Variants in SLC25A23 observed in about 807,000 individuals in gnomAD.
SLC25A23 encodes mitochondrial adenyl nucleotide antiporter SLC25A23.
SLC25A23 carries 32 observed loss-of-function variants against 53.9 expected under a neutral mutation model. That is an observed-to-expected ratio of 0.59 (90% CI 0.45 to 0.80). SLC25A23 has a LOEUF of 0.80. Among genes scored for constraint, SLC25A23 ranks in the 30% least tolerant of loss-of-function variants. SLC25A23 has a pLI of 0.00. For missense variants in SLC25A23, 575 were observed against 651.4 expected (o/e 0.88, Z 1.28); for synonymous variants, 275 against 264.5 (o/e 1.04, Z -0.38).
chr19:6,449,411 C>T (rs142241572), intron 8 of SLC25A23, among the ~76,000 whole-genome samples: 3,447 of 148,918 alleles, frequency 0.023, 62 homozygotes, highest in Middle Eastern at 0.041. Context: ...CACCACCACA[C>T]CTGGCTATTT....
intron 7 of SLC25A23, 48 bp from the exon 8 acceptor site, chr19:6,452,527 T>C (rs773132870): frequency 2.0e-5 from 31 of 1,566,732 alleles, no homozygotes; most frequent in Non-Finnish European, 6.1e-6. Context: ...ACCAAATCGC[T>C]ACATCCAGGA....
At position 6,452,386 on chromosome 19, in the gene SLC25A23, C is replaced by T. The variant is rs1417056307; in HGVS notation, c.997G>A (p.Ala333Thr). 1 of 1,613,702 alleles carries T rather than the reference C, an allele frequency of 6.2e-7. No homozygotes were observed. Among genetic ancestry groups the T allele is most frequent in the South Asian group, 1.1e-5 (1 of 90,962 alleles). Residue 333 changes from alanine to threonine, a missense_variant, in exon 8 of 10, where the codon GCC becomes ACC. By Grantham distance (58) the Ala-to-Thr change is moderately conservative. Coordinates refer to ENST00000301454, the MANE Select transcript of SLC25A23 (RefSeq NM_024103.3). ...RRILEREGPR[A>T]FYRGYLPNVL... is the part of the protein sequence containing the mutation. Reference sequence around the variant, plus strand: ...TTGGGGAGGTAGCCGCGGTAGAAGGCACGGGGCCCCTCCCTCTCCAGGATA... The same window carrying T: ...TTGGGGAGGTAGCCGCGGTAGAAGGTACGGGGCCCCTCCCTCTCCAGGATA...
chr19:6,458,151 C>T (rs767686472), intron 2 of SLC25A23, 47 bp downstream of exon 2: 4 of 1,603,354 alleles, frequency 2.5e-6, no homozygotes, highest in Non-Finnish European at 2.6e-6. Context: ...TCTAGGGCCC[C>T]CACAGCCCTA....
At chr19:6,457,436 A>G (rs919846779) in intron 3 of SLC25A23, 67 bp downstream of exon 3, 12 of 1,412,404 alleles carry the variant, frequency 8.5e-6, no homozygotes, top group South Asian at 1.2e-5. Flanking sequence ...GGAGCCCAGA[A>G]GACAGAGATG....
intron 7 of SLC25A23, among the ~76,000 whole-genome samples, chr19:6,453,776 C>T (rs1470762473): frequency 2.6e-5 from 4 of 152,164 alleles, no homozygotes; most frequent in Non-Finnish European, 4.4e-5. Flanking sequence ...CAAGGATAAC[C>T]GACACTACCT....
At chr19:6,437,825 C>T (rs544572615), downstream of SLC25A23, among the ~76,000 whole-genome samples, 20 of 148,158 alleles carry the variant, frequency 1.3e-4, no homozygotes, top group East Asian at 3.4e-3. Context: ...AAAAAAAGGC[C>T]GGGCGCGGTG....
At chr19:6,446,172 T>G (rs1165531061) in intron 8 of SLC25A23, among the ~76,000 whole-genome samples, 1 of 152,086 alleles carries the variant, frequency 6.6e-6, no homozygotes, top group Non-Finnish European at 1.5e-5. Context: ...GAGACCAGCC[T>G]GGCCAATATG....
At chr19:6,443,984 G>A (rs2092464883) in intron 9 of SLC25A23, among the ~76,000 whole-genome samples, 167 bp downstream of exon 9, 1 of 152,144 alleles carries the variant, frequency 6.6e-6, no homozygotes, top group Non-Finnish European at 1.5e-5. Flanking sequence ...TTAATCCTCA[G>A]CTCCATGAAA....
intron 8 of SLC25A23, among the ~76,000 whole-genome samples, chr19:6,449,052 G>T (rs923572414): frequency 6.6e-6 from 1 of 151,570 alleles, no homozygotes; most frequent in Non-Finnish European, 1.5e-5. Flanking sequence ...AAGTTCTAAA[G>T]ACTAGATTAA....
chr19:6,442,919 C>T (rs2092443826), intron 9 of SLC25A23, among the ~76,000 whole-genome samples: 2 of 150,690 alleles, frequency 1.3e-5, no homozygotes, highest in Admixed American at 6.6e-5. Context: ...CAGGCGTGTG[C>T]CACCATGCCC....
At position 6,459,395 on chromosome 19, in the gene SLC25A23, G is replaced by T; in HGVS notation, c.156+78C>A. ...GCCACAGGTAGTCCCTGGTGGCTCCGGCCGCCCAGTTCAGGGGCTTGGGTA... is the reference window on the plus strand; with the variant it reads ...GCCACAGGTAGTCCCTGGTGGCTCCTGCCGCCCAGTTCAGGGGCTTGGGTA... On this transcript the variant is annotated intron_variant, in intron 1 of 9. Coordinates refer to ENST00000301454, the MANE Select transcript of SLC25A23 (RefSeq NM_024103.3). This position sits in a 1 kb window ranked among gnomAD's most constrained non-coding sequence, Gnocchi z 4.6. 1 of 1,319,888 alleles carries T rather than the reference G, an allele frequency of 7.6e-7. No individual in the cohort carries two copies. 81.8% of individuals were successfully genotyped at this position (1,319,888 alleles called of 1,614,324 possible).
Position 6,459,746 on chromosome 19 carries a change from G to T in SLC25A23, c.-118C>A. 1.2e-6 allele frequency: 1 copy of T among 865,186 alleles called. No homozygotes were observed. The highest frequency in any genetic ancestry group is 1.5e-6 in the Non-Finnish European group (1 of 665,402). The allele number at this position is 865,186 out of a possible 1,614,324, so 53.6% of individuals were successfully genotyped here. On this transcript the variant is annotated 5_prime_UTR_variant, in exon 1 of 10. It adds an upstream start codon to the 5' untranslated region. Transcript: ENST00000301454. This position sits in a 1 kb window ranked among gnomAD's most constrained non-coding sequence, Gnocchi z 4.6. ...AGCTCCCGCGGCCGCCGGCTCCGCA[G>T]CCTCCGCGCAGTCCGCTCGGCTCTG...
chr19:6,449,829 T>C (rs1397072964), intron 8 of SLC25A23, among the ~76,000 whole-genome samples: 7 of 150,918 alleles, frequency 4.6e-5, no homozygotes, highest in African/African-American at 1.7e-4. Context: ...CCACTGCTCC[T>C]GGCCGCATCT....
chr19:6,459,228 C>A lies in SLC25A23; in HGVS notation c.156+245G>T, dbSNP rs1197728660. ...CCCCCATCTCTTCCCAGGCAGACGCCCCCTGCCCCGCAGCAGGGGGATCGG... is the reference window on the plus strand; with the variant it reads ...CCCCCATCTCTTCCCAGGCAGACGCACCCTGCCCCGCAGCAGGGGGATCGG... On this transcript the variant is annotated intron_variant, in intron 1 of 9. Coordinates refer to ENST00000301454, the MANE Select transcript of SLC25A23 (RefSeq NM_024103.3). The surrounding 1 kb of genome is among the most constrained non-coding windows in gnomAD (Gnocchi z 4.6). Among the ~76,000 whole-genome samples the A allele has an allele frequency of 6.6e-6, 1 of 152,150 alleles. No homozygotes were observed. Among genetic ancestry groups the A allele is most frequent in the Non-Finnish European group, 1.5e-5 (1 of 68,020 alleles).
chr19:6,439,409 A>T (rs1321880436), downstream of SLC25A23, among the ~76,000 whole-genome samples: 4 of 145,702 alleles, frequency 2.7e-5, no homozygotes, highest in South Asian at 2.3e-4. Flanking sequence ...TCACACACAC[A>T]CACACACACA....
At chr19:6,453,960 G>A (rs111432598) in intron 7 of SLC25A23, 21 bp downstream of exon 7, 78 of 1,596,778 alleles carry the variant, frequency 4.9e-5, no homozygotes, top group African/African-American at 3.9e-4. Context: ...TGGGGCCTCC[G>A]CTGGGGTCCC....
chr19:6,450,781 C>T (rs2092576517), intron 8 of SLC25A23, among the ~76,000 whole-genome samples: 1 of 151,944 alleles, frequency 6.6e-6, no homozygotes, highest in African/African-American at 2.4e-5. Flanking sequence ...GTGGGGGTCC[C>T]TTGTTCAAAA....
At chr19:6,443,670 C>A in intron 9 of SLC25A23, 1 of 693,728 alleles carries the variant, frequency 1.4e-6, no homozygotes, top group Non-Finnish European at 2.6e-6. Flanking sequence ...CAGTGAAAAT[C>A]ACAAAACACA....
chr19:6,449,857 CTTTTTTTT>C (rs142681286), intron 8 of SLC25A23, among the ~76,000 whole-genome samples: 6 of 127,164 alleles, frequency 4.7e-5, no homozygotes, highest in African/African-American at 2.0e-4. Flanking sequence ...ACTCACAACT[CTTTTTTTT>C]TTTTTTTTTT....
Sources: gnomAD v4.1 joint callset for allele counts (sites outside exome capture counted in the v4.1 genomes callset) on GRCh38, gnomAD v4.1.1 for gene constraint, Gnocchi (gnomAD v3.1) non-coding constraint, MANE v1.5 for transcripts, NCBI Gene and HGNC (gene_info 2026-07-23, HGNC 2026-07-21) for gene names.